The following LRRC37A2 variants were observed in gnomAD, a reference collection of about 807,000 sequenced individuals.
LRRC37A2 encodes the protein leucine-rich repeat-containing protein 37A2.
In LRRC37A2, 9 loss-of-function variants were observed where a neutral mutation model predicts 68.8. That is an observed-to-expected ratio of 0.13 (90% CI 0.08 to 0.23). The LOEUF is 0.23. Ranked by LOEUF, LRRC37A2 falls within the 10% of genes least tolerant of loss-of-function variation. The pLI is 1.00. For synonymous variants in LRRC37A2, 63 were observed against 367.6 expected (o/e 0.17, Z 9.48); for missense variants, 168 against 950.4 (o/e 0.18, Z 10.82).
chr17:46,710,857 G>T, the LRRC37A2 span: 1 of 939,776 alleles, frequency 1.1e-6, no homozygotes, highest in Non-Finnish European at 1.5e-6. Context: ...TATTAATATG[G>T]GATAGTGATC....
chr17:46,751,678 G>T, the LRRC37A2 span: 3 of 938,722 alleles, frequency 3.2e-6, no homozygotes, highest in Admixed American at 5.1e-5. Flanking sequence ...CACCAAGAGG[G>T]TTCAGTATTT....
the LRRC37A2 span, among the ~76,000 whole-genome samples, chr17:46,738,789 A>G: frequency 2.0e-5 from 3 of 152,228 alleles, no homozygotes; most frequent in African/African-American, 7.2e-5. Flanking sequence ...AGGATTCATG[A>G]GCTGTTCATA....
At chr17:46,850,987 T>A in the LRRC37A2 span, among the ~76,000 whole-genome samples, 1 of 152,132 alleles carries the variant, frequency 6.6e-6, no homozygotes, top group South Asian at 2.1e-4. Context: ...GAGCGCCCTT[T>A]CCTCTCTCCC....
At chr17:46,740,790 T>C in the LRRC37A2 span, among the ~76,000 whole-genome samples, 2 of 152,006 alleles carry the variant, frequency 1.3e-5, no homozygotes, top group Non-Finnish European at 1.5e-5. Flanking sequence ...GCCCCACAAG[T>C]AGCTGGGATT....
At chr17:46,938,701 A>G in the LRRC37A2 span, 1 of 1,613,650 alleles carries the variant, frequency 6.2e-7, no homozygotes, top group South Asian at 1.1e-5. Flanking sequence ...GTACTTTATG[A>G]TAGGTGGGAT....
the LRRC37A2 span, among the ~76,000 whole-genome samples, chr17:46,890,817 A>G: frequency 3.3e-5 from 5 of 152,200 alleles, no homozygotes; most frequent in Admixed American, 2.6e-4. Flanking sequence ...AGCAAGAGGC[A>G]CGGGCGGGGG....
the LRRC37A2 span, among the ~76,000 whole-genome samples, chr17:46,906,899 C>T: frequency 1.3e-5 from 2 of 152,170 alleles, no homozygotes; most frequent in Non-Finnish European, 2.9e-5. Flanking sequence ...CAGGCACTGT[C>T]ACAGAGTCCT....
the LRRC37A2 span, among the ~76,000 whole-genome samples, chr17:46,676,549 A>G: frequency 6.9e-6 from 1 of 145,858 alleles, no homozygotes. Context: ...GGAATTGTAA[A>G]CCATGGATCC....
chr17:46,850,070 G>C, the LRRC37A2 span, among the ~76,000 whole-genome samples: 2 of 152,230 alleles, frequency 1.3e-5, no homozygotes, highest in Non-Finnish European at 1.5e-5. Flanking sequence ...GGCTGGTCTC[G>C]AATTCCTGAC....
chr17:46,931,166 G>T, the LRRC37A2 span: 1 of 1,609,160 alleles, frequency 6.2e-7, no homozygotes, highest in Middle Eastern at 1.7e-4. Context: ...TGGAGATTTT[G>T]TCCAGCAAGG....
At chr17:46,766,810 C>T in the LRRC37A2 span, among the ~76,000 whole-genome samples, 4 of 152,322 alleles carry the variant, frequency 2.6e-5, no homozygotes, top group Middle Eastern at 3.4e-3. Flanking sequence ...GGGCACTCTA[C>T]CCTTTCACAG....
At chr17:47,023,688 G>A in the LRRC37A2 span, among the ~76,000 whole-genome samples, 29,092 of 151,768 alleles carry the variant, frequency 0.19, 3,579 homozygotes, top group East Asian at 0.56. Context: ...TCCACCTCCC[G>A]GGTTCAAGCG....
At chr17:46,815,751 C>T in the LRRC37A2 span, among the ~76,000 whole-genome samples, 1 of 152,196 alleles carries the variant, frequency 6.6e-6, no homozygotes, top group Non-Finnish European at 1.5e-5. Context: ...GCCTGTGCCC[C>T]TGCCTCTCTA....
At chr17:46,541,074 C>A (rs2055222149) in intron 8 of LRRC37A2, among the ~76,000 whole-genome samples, 193 bp downstream of exon 7, 1 of 125,424 alleles carries the variant, frequency 8.0e-6, no homozygotes. Context: ...TAAAGCATTT[C>A]TGATGCCTCA....
the LRRC37A2 span, among the ~76,000 whole-genome samples, chr17:46,856,616 T>C: frequency 6.6e-6 from 1 of 151,918 alleles, no homozygotes; most frequent in East Asian, 1.9e-4. Flanking sequence ...CTCAAGTAGA[T>C]GGGATGACAA....
At chr17:46,904,515 T>TGATGGATG in the LRRC37A2 span, among the ~76,000 whole-genome samples, 22 of 146,354 alleles carry the variant, frequency 1.5e-4, no homozygotes, top group African/African-American at 5.4e-4. Context: ...GCTGGACGGA[T>TGATGGATG]GATGGATGGA....
the LRRC37A2 span, among the ~76,000 whole-genome samples, chr17:46,989,759 T>C: frequency 6.6e-6 from 1 of 152,256 alleles, no homozygotes; most frequent in South Asian, 2.1e-4. Flanking sequence ...AACACTCACT[T>C]TTGGGACCCA....
chr17:46,455,725 A>G, the LRRC37A2 span, among the ~76,000 whole-genome samples: 1 of 149,410 alleles, frequency 6.7e-6, no homozygotes, highest in African/African-American at 2.5e-5. Context: ...GGAGTGTGAC[A>G]CTGAAACCTG....
chr17:47,018,548 C>T, the LRRC37A2 span: 2 of 1,520,258 alleles, frequency 1.3e-6, no homozygotes, highest in Non-Finnish European at 1.8e-6. Context: ...TAGAACCTCC[C>T]ACCATCCAGC....
Sources: gnomAD v4.1 joint callset for allele counts (sites outside exome capture counted in the v4.1 genomes callset) on GRCh38, gnomAD v4.1.1 for gene constraint, MANE v1.5 for transcripts, NCBI Gene and HGNC (gene_info 2026-07-23, HGNC 2026-07-21) for gene names.